TMTC2: variants seen among roughly 807,000 people sequenced by gnomAD.
The protein encoded by TMTC2 is protein O-mannosyl-transferase TMTC2.
In TMTC2, 43 loss-of-function variants were observed where a neutral mutation model predicts 82.4. The observed-to-expected ratio is 0.52, with a 90% CI of 0.41 to 0.67. The LOEUF (loss-of-function observed/expected upper bound fraction) is 0.67, where lower values mean the gene tolerates loss of function less well. Ranked by LOEUF, TMTC2 falls within the 30% of genes least tolerant of loss-of-function variation. The pLI, the probability that TMTC2 is intolerant of heterozygous loss-of-function variation, is 0.00. For missense variants in TMTC2, 919 were observed against 1,012.4 expected (o/e 0.91, Z 1.25); for synonymous variants, 408 against 381.9 (o/e 1.07, Z -0.80).
At chr12:83,070,105 A>C (rs376990158) in intron 11 of TMTC2, among the ~76,000 whole-genome samples, 5 of 152,222 alleles carry the variant, frequency 3.3e-5, no homozygotes, top group African/African-American at 1.2e-4. Context: ...GTATAGTTTG[A>C]AATCAGGTAG....
intron 1 of TMTC2, among the ~76,000 whole-genome samples, chr12:82,757,764 C>A (rs1194095549): frequency 6.6e-6 from 1 of 152,180 alleles, no homozygotes; most frequent in Non-Finnish European, 1.5e-5. Flanking sequence ...TTGCAAAATG[C>A]ACAGTCAGAT....
intron 8 of TMTC2, among the ~76,000 whole-genome samples, chr12:83,010,336 C>G (rs1447149226): frequency 6.6e-6 from 1 of 152,096 alleles, no homozygotes; most frequent in African/African-American, 2.4e-5. Context: ...ATCAGGCCTC[C>G]CAGATTGTAT....
intron 11 of TMTC2, among the ~76,000 whole-genome samples, chr12:83,129,037 T>C (rs1239232900): frequency 6.6e-6 from 1 of 152,228 alleles, no homozygotes; most frequent in Admixed American, 6.5e-5. Context: ...TGTATAAATT[T>C]CATGTTTCCT....
At chr12:82,912,090 CCTTT>C (rs1240031303) in intron 3 of TMTC2, among the ~76,000 whole-genome samples, 3 of 152,164 alleles carry the variant, frequency 2.0e-5, no homozygotes, top group African/African-American at 7.2e-5. Flanking sequence ...TAATTCAGTT[CCTTT>C]TTGCAAAACA....
At chr12:83,029,717 T>A (rs751577148) in intron 8 of TMTC2, among the ~76,000 whole-genome samples, 26 of 152,158 alleles carry the variant, frequency 1.7e-4, no homozygotes, top group Non-Finnish European at 3.5e-4. Context: ...CTTATTAGGG[T>A]TGTTCTCCTA....
intron 11 of TMTC2, among the ~76,000 whole-genome samples, chr12:83,089,239 C>T (rs908439581): frequency 5.9e-5 from 9 of 152,198 alleles, no homozygotes; most frequent in Admixed American, 3.9e-4. Context: ...AGCATCCGTT[C>T]GTTTGTACTA....
At chr12:82,939,926 G>A (rs948353302) in intron 4 of TMTC2, among the ~76,000 whole-genome samples, 2 of 151,438 alleles carry the variant, frequency 1.3e-5, no homozygotes, top group African/African-American at 4.9e-5. Context: ...CGGTTTTGCA[G>A]TGATTGTATA....
intron 1 of TMTC2, among the ~76,000 whole-genome samples, chr12:82,826,719 G>C (rs1337685838): frequency 6.6e-6 from 1 of 152,128 alleles, no homozygotes; most frequent in Non-Finnish European, 1.5e-5. Context: ...TGGTCTCCCT[G>C]ATGAGCTATT....
chr12:82,756,236 A>G lies in TMTC2; in HGVS notation c.83+68567A>G, dbSNP rs12321386. Among the ~76,000 whole-genome samples, 440 of 152,322 alleles carry G rather than the reference A, an allele frequency of 2.9e-3. 3 individuals are homozygous for G. Among genetic ancestry groups the G allele is most frequent in the African/African-American group, 0.01 (420 of 41,580 alleles). Reference sequence around the variant, plus strand: ...TAAAAAGCTTGTAAAATTATTTTAAAAAATCCTTGTCTCACAATTCTTCTC... The same window carrying G: ...TAAAAAGCTTGTAAAATTATTTTAAGAAATCCTTGTCTCACAATTCTTCTC... On this transcript the variant is annotated intron_variant, in intron 1 of 11. Coordinates refer to ENST00000321196, the MANE Select transcript of TMTC2 (RefSeq NM_152588.3).
At chr12:83,004,860 C>A (rs1880098931) in intron 8 of TMTC2, among the ~76,000 whole-genome samples, 1 of 147,094 alleles carries the variant, frequency 6.8e-6, no homozygotes, top group African/African-American at 2.5e-5. Flanking sequence ...AGTGGTGGCT[C>A]ACGCCTGTAA....
intron 2 of TMTC2, among the ~76,000 whole-genome samples, chr12:82,891,849 A>T (rs1195580800): frequency 6.6e-6 from 1 of 152,140 alleles, no homozygotes; most frequent in East Asian, 1.9e-4. Flanking sequence ...AATCGGCTTT[A>T]CCTGTTGGTT....
At chr12:82,856,932 G>A in intron 1 of TMTC2, 78 bp from the exon 2 acceptor site, 2 of 1,345,230 alleles carry the variant, frequency 1.5e-6, no homozygotes, top group Middle Eastern at 2.4e-4. Context: ...TCTGAGAAAG[G>A]CAGTATCTTA....
chr12:82,986,037 A>G lies in TMTC2; in HGVS notation c.2061A>G (p.Leu687=), dbSNP rs1448663457. The change falls in exon 8 of 12, where the codon CTA becomes CTG. Residue 687 remains leucine, a synonymous_variant. Coordinates refer to ENST00000321196, the MANE Select transcript of TMTC2 (RefSeq NM_152588.3). The part of the protein sequence containing the change: ...IPAHLTYGKL[L]ALTGRKSEAE... ...CTCATCTCACCTATGGGAAGCTGCT[A>G]GCTCTAACAGTGAGTAACCGCCTTC... 1 of 1,613,988 alleles carries G rather than the reference A, an allele frequency of 6.2e-7. No individual in the cohort carries two copies. Among genetic ancestry groups the G allele is most frequent in the South Asian group, 1.1e-5 (1 of 91,084 alleles).
chr12:82,885,987 G>C (rs1449988124), intron 2 of TMTC2, among the ~76,000 whole-genome samples: 3 of 152,262 alleles, frequency 2.0e-5, no homozygotes, highest in Middle Eastern at 3.4e-3. Context: ...AAGAAGATTT[G>C]TTTCTTCTCT....
chr12:82,911,278 C>T (rs1874640506), intron 3 of TMTC2, among the ~76,000 whole-genome samples: 1 of 152,084 alleles, frequency 6.6e-6, no homozygotes, highest in Admixed American at 6.5e-5. Flanking sequence ...TGCCTGTCCT[C>T]CCCTAGGTCT....
At chr12:82,959,918 A>G (rs1592658038) in intron 4 of TMTC2, among the ~76,000 whole-genome samples, 3 of 152,094 alleles carry the variant, frequency 2.0e-5, no homozygotes, top group East Asian at 3.9e-4. Flanking sequence ...TTTGCACACT[A>G]TGCATCCAAC....
chr12:82,793,130 A>G (rs1315064271), intron 1 of TMTC2, among the ~76,000 whole-genome samples: 3 of 152,144 alleles, frequency 2.0e-5, no homozygotes, highest in Non-Finnish European at 4.4e-5. Context: ...ATTATTCAGA[A>G]TTGTTTCCAC....
chr12:82,932,651 T>A (rs1876102871), intron 4 of TMTC2, among the ~76,000 whole-genome samples: 2 of 152,170 alleles, frequency 1.3e-5, no homozygotes, highest in South Asian at 2.1e-4. Flanking sequence ...ACTTTTTGCA[T>A]CTGAAAGTGA....
chr12:83,043,682 C>A (rs752865858), intron 9 of TMTC2, among the ~76,000 whole-genome samples: 2 of 152,190 alleles, frequency 1.3e-5, no homozygotes, highest in African/African-American at 2.4e-5. Context: ...TCTCCTCTCT[C>A]CTCTAATAAA....
Sources: allele counts gnomAD v4.1 joint callset (sites outside exome capture counted in the v4.1 genomes callset), GRCh38; gene constraint gnomAD v4.1.1; transcripts MANE v1.5; gene names NCBI Gene and HGNC (gene_info 2026-07-23, HGNC 2026-07-21).